Variants in GCNT1 observed in about 807,000 individuals in gnomAD.
GCNT1 encodes the protein beta-1,3-galactosyl-O-glycosyl-glycoprotein beta-1,6-N-acetylglucosaminyltransferase.
GCNT1 carries 16 observed loss-of-function variants against 26.2 expected under a neutral mutation model. That is an observed-to-expected ratio of 0.61 (90% CI 0.41 to 0.93). The LOEUF (loss-of-function observed/expected upper bound fraction) is 0.93. GCNT1 is among the 40% of genes least tolerant of loss of function. The pLI, the probability that GCNT1 is intolerant of heterozygous loss-of-function variation, is 0.00. For synonymous variants in GCNT1, 183 were observed against 190.8 expected (o/e 0.96, Z 0.34); for missense variants, 477 against 526.7 (o/e 0.91, Z 0.92).
chr9:76,445,838 C>A (rs997404534), intron 1 of GCNT1, among the ~76,000 whole-genome samples: 1 of 121,926 alleles, frequency 8.2e-6, no homozygotes, highest in African/African-American at 3.2e-5. Context: ...CGAAAATTAG[C>A]CAGACATGGT....
intron 1 of GCNT1, among the ~76,000 whole-genome samples, chr9:76,431,916 C>T (rs1480452808): frequency 1.3e-5 from 2 of 152,150 alleles, no homozygotes; most frequent in Admixed American, 6.6e-5. Flanking sequence ...TGAGACCAGC[C>T]TGGCCAGCAT....
Position 76,503,563 on chromosome 9 carries a change from ACAC to A in GCNT1, c.1186_1188del (p.His396del). 3.1e-6 allele frequency: 5 copies of A among 1,614,164 alleles called. No individual in the cohort carries two copies. The highest frequency in any genetic ancestry group is 4.2e-6 in the Non-Finnish European group (5 of 1,180,014). On this transcript the variant is annotated inframe_deletion, in exon 4 of 4. Transcript: ENST00000376730. The stretch of plus-strand genomic sequence containing the variant: ...GTGACTTGAACTGGATGCTGCGCAA[ACAC>A]CACTTGTTTGCCAATAAGTTTGACG...
exon 1 of GCNT1, chr9:76,441,807 T>C (rs1238063947): frequency 2.6e-5 from 4 of 152,244 alleles, no homozygotes; most frequent in African/African-American, 9.6e-5. Flanking sequence ...AGACTCTTAA[T>C]GGGTAATGCA....
At chr9:76,412,435 C>G in the GCNT1 span, among the ~76,000 whole-genome samples, 1 of 152,152 alleles carries the variant, frequency 6.6e-6, no homozygotes, top group East Asian at 1.9e-4. Context: ...CTTAATATTT[C>G]TTACAAGGCA....
At chr9:76,398,772 T>A in the GCNT1 span, 1 of 1,221,400 alleles carries the variant, frequency 8.2e-7, no homozygotes, top group Non-Finnish European at 1.2e-6. Context: ...GGAACCCACT[T>A]AGGTGGCACC....
rs1454174363 is a variant in GCNT1 at position 76,443,956 on chromosome 9, AGG to A, written c.-290+1642_-290+1643del. Among the ~76,000 whole-genome samples, 3 of 80,346 alleles carry A rather than the reference AGG, an allele frequency of 3.7e-5. No individual in the cohort carries two copies. In the East Asian group the frequency reaches 6.3e-4, roughly 17 times the overall value. 52.7% of individuals were successfully genotyped at this position (80,346 alleles called of 152,430 possible). A position where few individuals can be genotyped will look rare whatever the true frequency, so the allele number is the denominator to read the frequency against. ...AAGGAAGGAAGGAAGGAAGGAAGGAAGGAAGGAAGGAAGGAAGGAAGGAAGGA... is the reference window on the plus strand; with the variant it reads ...AAGGAAGGAAGGAAGGAAGGAAGGAAAAGGAAGGAAGGAAGGAAGGAAGGA... On this transcript the variant is annotated intron_variant, in intron 1 of 2. Coordinates refer to the GCNT1 transcript ENST00000442371.
intron 1 of GCNT1, among the ~76,000 whole-genome samples, chr9:76,428,236 G>A (rs765112900): frequency 3.9e-4 from 44 of 111,520 alleles, no homozygotes; most frequent in Non-Finnish European, 5.1e-4. Flanking sequence ...ACTGCACTCC[G>A]GCCTGGGTAA....
chr9:76,456,019 A>G (rs1823754157), upstream of GCNT1, among the ~76,000 whole-genome samples: 1 of 152,184 alleles, frequency 6.6e-6, no homozygotes, highest in Admixed American at 6.5e-5. Context: ...ACTTTCCCAC[A>G]TCTATAATAT....
chr9:76,439,630 T>A (rs1823456102), upstream of GCNT1, among the ~76,000 whole-genome samples: 1 of 152,236 alleles, frequency 6.6e-6, no homozygotes, highest in East Asian at 1.9e-4. Flanking sequence ...GCTGTGTGCG[T>A]CTTTCTTCAG....
intron 2 of GCNT1, among the ~76,000 whole-genome samples, chr9:76,499,856 T>G (rs1356018570): frequency 6.6e-6 from 1 of 152,204 alleles, no homozygotes; most frequent in Admixed American, 6.5e-5. Context: ...TTTTTTCAAC[T>G]ATTTTTCTAC....
chr9:76,476,533 G>A (rs1824256320), intron 2 of GCNT1, among the ~76,000 whole-genome samples: 1 of 147,868 alleles, frequency 6.8e-6, no homozygotes, highest in East Asian at 2.0e-4. Flanking sequence ...ATGATAATGA[G>A]GTTGAAGATT....
At chr9:76,393,966 A>G in the GCNT1 span, 12 of 819,160 alleles carry the variant, frequency 1.5e-5, no homozygotes, top group Non-Finnish European at 2.1e-5. Context: ...ATGCGGGAGG[A>G]GGAAGGGTGT....
intron 1 of GCNT1, among the ~76,000 whole-genome samples, chr9:76,427,646 A>G (rs1015551226): frequency 6.6e-6 from 1 of 152,250 alleles, no homozygotes; most frequent in Non-Finnish European, 1.5e-5. Context: ...TTATTACAGC[A>G]TAGTTTATAC....
At chr9:76,434,431 T>C (rs1315421097) in intron 1 of GCNT1, among the ~76,000 whole-genome samples, 3 of 152,216 alleles carry the variant, frequency 2.0e-5, no homozygotes, top group Admixed American at 6.5e-5. Context: ...ACTCCCCTAA[T>C]AATACTTTTA....
the GCNT1 span, among the ~76,000 whole-genome samples, chr9:76,414,203 CT>C: frequency 6.6e-6 from 1 of 152,194 alleles, no homozygotes; most frequent in Non-Finnish European, 1.5e-5. Context: ...CATATCTAGT[CT>C]GATTCTGATG....
chr9:76,500,451 G>A (rs991038089), intron 2 of GCNT1, among the ~76,000 whole-genome samples: 1 of 152,160 alleles, frequency 6.6e-6, no homozygotes. Flanking sequence ...TTTTGTTACC[G>A]AAGCTCCCCG....
the GCNT1 span, chr9:76,398,838 A>G: frequency 1.2e-5 from 17 of 1,414,588 alleles, no homozygotes; most frequent in African/African-American, 1.4e-5. Flanking sequence ...AATGGCATCT[A>G]TATCATAAAT....
At chr9:76,443,509 T>C (rs569413177) in intron 1 of GCNT1, among the ~76,000 whole-genome samples, 2 of 152,244 alleles carry the variant, frequency 1.3e-5, no homozygotes, top group Non-Finnish European at 2.9e-5. Context: ...ATGCTATTGT[T>C]TGTGGCTTAA....
chr9:76,412,630 A>G, the GCNT1 span, among the ~76,000 whole-genome samples: 2 of 152,188 alleles, frequency 1.3e-5, no homozygotes, highest in African/African-American at 4.8e-5. Flanking sequence ...TTGCCTCAGC[A>G]TCCATTTTGA....
Sources: allele counts gnomAD v4.1 joint callset (sites outside exome capture counted in the v4.1 genomes callset), GRCh38; gene constraint gnomAD v4.1.1; transcripts MANE v1.5; gene names NCBI Gene and HGNC (gene_info 2026-07-23, HGNC 2026-07-21).